Variants in TOR3A observed in about 807,000 individuals in gnomAD.
TOR3A encodes torsin-3A.
TOR3A carries 44 observed loss-of-function variants against 42.1 expected under a neutral mutation model. That is an observed-to-expected ratio of 1.04 (90% CI 0.82 to 1.34). The LOEUF is 1.34. Ranked by LOEUF, TOR3A falls within the 40% of genes most tolerant of loss-of-function variation. The pLI is 0.00. For missense variants in TOR3A, 521 were observed against 507.6 expected (o/e 1.03, Z -0.25); for synonymous variants, 227 against 213.2 (o/e 1.06, Z -0.57).
intron 4 of TOR3A, among the ~76,000 whole-genome samples, chr1:179,089,454 T>C (rs894542256): frequency 4.7e-5 from 7 of 148,662 alleles, no homozygotes; most frequent in African/African-American, 1.8e-4. Context: ...GGGAGGGGAG[T>C]GGGGCGCCCA....
intron 5 of TOR3A, among the ~76,000 whole-genome samples, chr1:179,094,723 A>C (rs1281234745): frequency 1.3e-5 from 2 of 152,134 alleles, no homozygotes; most frequent in Non-Finnish European, 2.9e-5. Context: ...TAGAAAAAAA[A>C]CAAAAATTAG....
intron 3 of TOR3A, 81 bp downstream of exon 3, chr1:179,085,974 G>A: frequency 6.5e-7 from 1 of 1,539,472 alleles, no homozygotes; most frequent in Non-Finnish European, 8.8e-7. Flanking sequence ...AAGGAAATGG[G>A]CTCTGGAGAA....
chr1:179,083,603 G>GGGGT (rs1652356103), intron 2 of TOR3A, among the ~76,000 whole-genome samples: 1 of 114,750 alleles, frequency 8.7e-6, no homozygotes, highest in Non-Finnish European at 2.0e-5. Context: ...GGGGGGGCGG[G>GGGGT]TTTCACCATG....
intron 4 of TOR3A, among the ~76,000 whole-genome samples, chr1:179,093,631 C>T (rs1652654003): frequency 6.6e-6 from 1 of 152,192 alleles, no homozygotes; most frequent in Admixed American, 6.5e-5. Flanking sequence ...TCTGGCGCAC[C>T]CAGGCCTAGA....
Position 179,095,049 on chromosome 1 carries a change from A to G in TOR3A, c.1025A>G (p.His342Arg). 1 of 1,614,218 alleles carries G rather than the reference A, an allele frequency of 6.2e-7. No individual in the cohort carries two copies. The highest frequency in any genetic ancestry group is 8.5e-7 in the Non-Finnish European group (1 of 1,180,040). ...FIPFLPLEYR[H>R]VRLCARDAFL... is the part of the protein sequence containing the mutation. ...CCCTTCCTGCCTTTGGAGTACCGTC[A>G]CGTGAGGCTGTGTGCACGGGATGCC... The change falls in exon 6 of 6, where the codon CAC becomes CGC. Residue 342 changes from histidine (H) to arginine (R), a missense_variant. Coordinates refer to ENST00000367627, the MANE Select transcript of TOR3A (RefSeq NM_022371.4).
chr1:179,087,878 C>CA, intron 3 of TOR3A, 33 bp from the exon 4 acceptor site: 5 of 1,510,944 alleles, frequency 3.3e-6, no homozygotes, highest in Non-Finnish European at 4.4e-6. Context: ...AAGGAGTCAC[C>CA]ACTTCCCCAG....
At chr1:179,086,549 T>C (rs997253084) in intron 3 of TOR3A, among the ~76,000 whole-genome samples, 3 of 151,762 alleles carry the variant, frequency 2.0e-5, no homozygotes, top group South Asian at 2.1e-4. Context: ...ACCTGTAGTC[T>C]CAGCTACTCG....
chr1:179,088,176 A>G, intron 4 of TOR3A, 87 bp downstream of exon 4: 1 of 1,385,364 alleles, frequency 7.2e-7, no homozygotes, highest in Non-Finnish European at 9.7e-7. Context: ...CCCCAGGTTC[A>G]GAACCTTTCC....
At chr1:179,089,272 G>T (rs969971385) in intron 4 of TOR3A, among the ~76,000 whole-genome samples, 3 of 150,056 alleles carry the variant, frequency 2.0e-5, no homozygotes, top group Admixed American at 6.6e-5. Context: ...AGTGAGCTGA[G>T]ATCACACCAT....
intron 4 of TOR3A, among the ~76,000 whole-genome samples, chr1:179,093,802 A>C (rs1018360807): frequency 2.0e-5 from 3 of 152,170 alleles, no homozygotes; most frequent in African/African-American, 7.2e-5. Context: ...CCCTCAGACC[A>C]CACAGAAGAA....
intron 2 of TOR3A, among the ~76,000 whole-genome samples, chr1:179,084,230 T>C (rs935771478): frequency 5.3e-5 from 8 of 152,098 alleles, no homozygotes; most frequent in African/African-American, 1.9e-4. Flanking sequence ...TGTATTTTAT[T>C]TTATTTTTTT....
intron 4 of TOR3A, among the ~76,000 whole-genome samples, chr1:179,092,550 C>A (rs777990216): frequency 5.3e-5 from 8 of 152,104 alleles, no homozygotes; most frequent in Non-Finnish European, 7.3e-5. Context: ...CATAGTGAGA[C>A]CTCGTCTCTA....
intron 4 of TOR3A, among the ~76,000 whole-genome samples, chr1:179,093,202 G>A (rs1227242170): frequency 1.3e-5 from 2 of 152,174 alleles, no homozygotes; most frequent in Non-Finnish European, 2.9e-5. Flanking sequence ...CAGCTTCCCT[G>A]CTGGTGGCTC....
chr1:179,090,599 C>T (rs148140167), intron 4 of TOR3A, among the ~76,000 whole-genome samples: 61 of 152,332 alleles, frequency 4.0e-4, no homozygotes, highest in African/African-American at 1.4e-3. Flanking sequence ...TTGCCAGTGG[C>T]TTTGCTGGCT....
intron 2 of TOR3A, among the ~76,000 whole-genome samples, chr1:179,083,872 C>T (rs933714514): frequency 1.3e-5 from 2 of 152,176 alleles, no homozygotes; most frequent in Non-Finnish European, 2.9e-5. Flanking sequence ...GCCCAGAGTT[C>T]TCCTGATCCC....
At chr1:179,082,519 G>A (rs1278359859) in intron 1 of TOR3A, 132 bp downstream of exon 1, 1 of 1,344,000 alleles carries the variant, frequency 7.4e-7, no homozygotes, top group Non-Finnish European at 1.0e-6. Context: ...CGCCGGTACC[G>A]GCTGTGGGCG....
chr1:179,094,010 T>C (rs1048773058), intron 4 of TOR3A, 83 bp from the exon 5 acceptor site: 4 of 1,525,326 alleles, frequency 2.6e-6, no homozygotes, highest in African/African-American at 2.8e-5. Flanking sequence ...TTCCAGGCAC[T>C]AATGCATTGG....
intron 5 of TOR3A, 150 bp downstream of exon 5, chr1:179,094,367 C>T: frequency 9.4e-7 from 1 of 1,060,732 alleles, no homozygotes; most frequent in African/African-American, 1.6e-5. Context: ...CCTGGGTGGG[C>T]ACAAGAAAAG....
chr1:179,087,824 T>G, intron 3 of TOR3A, 87 bp from the exon 4 acceptor site: 1 of 1,339,806 alleles, frequency 7.5e-7, no homozygotes, highest in South Asian at 1.5e-5. Context: ...AGGGGGTCCA[T>G]TGCACATGCC....
Sources: allele counts gnomAD v4.1 joint callset (sites outside exome capture counted in the v4.1 genomes callset), GRCh38; gene constraint gnomAD v4.1.1; transcripts MANE v1.5; gene names NCBI Gene and HGNC (gene_info 2026-07-23, HGNC 2026-07-21).